CA10: variants seen among roughly 807,000 people sequenced by gnomAD.
The protein encoded by CA10 is carbonic anhydrase 10 (inactive), also known as carbonic anhydrase-related protein 10.
In CA10, 14 loss-of-function variants were observed where a neutral mutation model predicts 44.2. That is an observed-to-expected ratio of 0.32 (90% CI 0.21 to 0.50). The LOEUF is 0.50. CA10 is among the 20% of genes least tolerant of loss of function. The pLI, the probability that CA10 is intolerant of heterozygous loss-of-function variation, is 0.99. For missense variants in CA10, 350 were observed against 409.7 expected (o/e 0.85, Z 1.26); for synonymous variants, 159 against 141.6 (o/e 1.12, Z -0.87).
chr17:51,655,170 C>A (rs2143290914), intron 4 of CA10, among the ~76,000 whole-genome samples: 1 of 152,310 alleles, frequency 6.6e-6, no homozygotes, highest in African/African-American at 2.4e-5. Context: ...TAGATCTCCC[C>A]AAGTCTTCCA....
At chr17:52,117,147 G>T (rs987888792) in intron 1 of CA10, among the ~76,000 whole-genome samples, 1 of 152,142 alleles carries the variant, frequency 6.6e-6, no homozygotes, top group Admixed American at 6.6e-5. Flanking sequence ...TGAAAAAAGG[G>T]TTTTCCTCAG....
chr17:52,028,130 G>A (rs1245772390), intron 2 of CA10, among the ~76,000 whole-genome samples: 2 of 152,142 alleles, frequency 1.3e-5, no homozygotes. Flanking sequence ...AGAACCAAAT[G>A]AGCTCCTCTT....
At chr17:52,070,403 C>T (rs1406504196) in intron 2 of CA10, 1 of 152,212 alleles carries the variant, frequency 6.6e-6, no homozygotes, top group Non-Finnish European at 1.5e-5. Context: ...AACATACACA[C>T]ATTACCTCCA....
chr17:52,153,011 T>A (rs1309024312), intron 1 of CA10, among the ~76,000 whole-genome samples: 2 of 152,142 alleles, frequency 1.3e-5, no homozygotes, highest in East Asian at 1.9e-4. Context: ...GATACCTAGA[T>A]CTCTTTTTGA....
intron 3 of CA10, among the ~76,000 whole-genome samples, chr17:51,918,571 G>A (rs545366148): frequency 6.6e-6 from 1 of 152,258 alleles, no homozygotes; most frequent in East Asian, 1.9e-4. Context: ...GTGGGTTAGA[G>A]CATGCATGTT....
chr17:51,784,782 T>A (rs1422643360), intron 3 of CA10, among the ~76,000 whole-genome samples: 1 of 152,238 alleles, frequency 6.6e-6, no homozygotes, highest in Admixed American at 6.5e-5. Flanking sequence ...TTACAAATGA[T>A]CCAATTATAC....
chr17:51,865,001 G>A (rs1264902095), intron 3 of CA10, among the ~76,000 whole-genome samples: 3 of 152,086 alleles, frequency 2.0e-5, no homozygotes, highest in Non-Finnish European at 1.5e-5. Flanking sequence ...AGAAGGGGCA[G>A]CATCTTCCTG....
At chr17:51,739,783 C>A (rs1409584844) in intron 4 of CA10, among the ~76,000 whole-genome samples, 1 of 152,170 alleles carries the variant, frequency 6.6e-6, no homozygotes, top group Non-Finnish European at 1.5e-5. Flanking sequence ...TGCCCTACCA[C>A]CATCTGAGCT....
At chr17:52,040,427 T>C (rs1438933153) in intron 2 of CA10, among the ~76,000 whole-genome samples, 2 of 152,126 alleles carry the variant, frequency 1.3e-5, no homozygotes, top group Non-Finnish European at 2.9e-5. Flanking sequence ...CTAGAGATGT[T>C]GAATGTAGGT....
rs4793718 is a variant in CA10, at chr17:51,714,379, A to G, written c.465+33254T>C. On this transcript the variant is annotated intron_variant, in intron 4 of 8. Transcript: ENST00000451037. ...CTTTGTCACCTGTAAAATGGGTACA[A>G]TAATACCTGTCTTCTCACAGGGGTT... Among the ~76,000 whole-genome samples, 645 of 152,340 alleles carry G rather than the reference A, an allele frequency of 4.2e-3. 13 individuals are homozygous for G. The highest frequency in any genetic ancestry group is 0.033 in the Admixed American group (506 of 15,308).
In CA10 at chr17:52,072,346, C is replaced by G; in HGVS notation, c.109G>C (p.Glu37Gln). 6.2e-7 allele frequency: 1 copy of G among 1,613,298 alleles called. No homozygotes were observed. ...KIHEGWWAYK[E>Q]VVQGSFVPVP... ...GGAACAAAGCTTCCCTGGACCACCTCCTTGTATGCCCACCAGCCTTCATGG... is the reference window on the plus strand; with the variant it reads ...GGAACAAAGCTTCCCTGGACCACCTGCTTGTATGCCCACCAGCCTTCATGG... Residue 37 changes from glutamate to glutamine, a missense_variant, in exon 2 of 9, where the codon GAG becomes CAG. Physicochemically the swap from Glu to Gln is conservative, Grantham distance 29 (BLOSUM62 2). Coordinates refer to ENST00000451037, the MANE Select transcript of CA10 (RefSeq NM_020178.5).
intron 3 of CA10, among the ~76,000 whole-genome samples, chr17:51,867,064 G>A (rs1979580283): frequency 6.6e-6 from 1 of 151,824 alleles, no homozygotes; most frequent in Admixed American, 6.6e-5. Context: ...ATATTTCTTT[G>A]GCTCCCCTGT....
chr17:51,873,446 T>C (rs1479592269), intron 3 of CA10, among the ~76,000 whole-genome samples: 1 of 152,226 alleles, frequency 6.6e-6, no homozygotes, highest in Non-Finnish European at 1.5e-5. Flanking sequence ...TCTATCATCC[T>C]GATCTCAGTA....
chr17:52,032,949 T>C (rs1004511290), intron 2 of CA10, among the ~76,000 whole-genome samples: 2 of 152,110 alleles, frequency 1.3e-5, no homozygotes, highest in Middle Eastern at 3.2e-3. Flanking sequence ...GATCTAAATG[T>C]CTTGAAACAC....
chr17:52,000,272 A>G (rs1985378321), intron 2 of CA10, among the ~76,000 whole-genome samples: 1 of 152,048 alleles, frequency 6.6e-6, no homozygotes, highest in Non-Finnish European at 1.5e-5. Context: ...TGAGAGCAAG[A>G]CCTATGGTTT....
At chr17:51,717,483 G>C (rs1454962566) in intron 4 of CA10, among the ~76,000 whole-genome samples, 7 of 141,974 alleles carry the variant, frequency 4.9e-5, no homozygotes, top group African/African-American at 1.9e-4. Context: ...CAAAATCGTG[G>C]AACCAACCCA....
chr17:52,080,308 T>C (rs1330510230), intron 1 of CA10, among the ~76,000 whole-genome samples: 4 of 151,782 alleles, frequency 2.6e-5, no homozygotes, highest in East Asian at 3.9e-4. Context: ...AAAAATTAGC[T>C]GGGCTTGGTG....
At position 51,631,971 on chromosome 17, in the gene CA10, C is replaced by T. The variant is rs181845434; in HGVS notation, c.965-365G>A. Among the ~76,000 whole-genome samples the T allele has an allele frequency of 1.8e-3, 270 of 152,346 alleles. 1 individual carries two copies. The highest frequency in any genetic ancestry group is 3.9e-3 in the South Asian group (19 of 4,822). On this transcript the variant is annotated intron_variant, in intron 8 of 8. Coordinates refer to ENST00000451037, the MANE Select transcript of CA10 (RefSeq NM_020178.5). ...CATCAACCTATCATGAAAACATTCC[C>T]ATTACCACAGAAAGTTCTAGTGGAT...
intron 1 of CA10, among the ~76,000 whole-genome samples, chr17:52,094,061 G>A (rs1157341842): frequency 9.9e-5 from 15 of 152,118 alleles, no homozygotes; most frequent in South Asian, 2.1e-4. Context: ...ACCAAACACC[G>A]CATGTTCTCA....
Sources: allele counts gnomAD v4.1 joint callset (sites outside exome capture counted in the v4.1 genomes callset), GRCh38; gene constraint gnomAD v4.1.1; transcripts MANE v1.5; gene names NCBI Gene and HGNC (gene_info 2026-07-23, HGNC 2026-07-21).